The following DLGAP2 variants were observed in gnomAD, a reference collection of about 807,000 sequenced individuals.
DLGAP2 encodes the protein DLG associated protein 2.
A neutral mutation model predicts 100.3 loss-of-function variants in DLGAP2; 26 were observed. The observed-to-expected ratio is 0.26, with a 90% CI of 0.19 to 0.36. DLGAP2 has a LOEUF of 0.36. Ranked by LOEUF, DLGAP2 falls within the 10% of genes least tolerant of loss-of-function variation. The pLI, the probability that DLGAP2 is intolerant of heterozygous loss-of-function variation, is 1.00. For missense variants in DLGAP2, 1,858 were observed against 1,453.2 expected, an observed-to-expected ratio of 1.28 and a Z score of -4.53; for synonymous variants, 886 against 630.1, an observed-to-expected ratio of 1.41 and a Z score of -6.08.
chr8:1,497,105 G>T (rs1563183570), intron 3 of DLGAP2, among the ~76,000 whole-genome samples: 1 of 152,338 alleles, frequency 6.6e-6, no homozygotes, highest in Admixed American at 6.5e-5. Flanking sequence ...TAAGCAAGGG[G>T]TCTGAGTGAG....
At chr8:1,580,836 A>T (rs912265351) in intron 6 of DLGAP2, among the ~76,000 whole-genome samples, 5 of 149,662 alleles carry the variant, frequency 3.3e-5, no homozygotes, top group African/African-American at 4.9e-5. Flanking sequence ...TACAGACAAA[A>T]CCCCACACAT....
chr8:1,056,879 T>C (rs1802897424), intron 2 of DLGAP2, among the ~76,000 whole-genome samples: 1 of 152,206 alleles, frequency 6.6e-6, no homozygotes, highest in Non-Finnish European at 1.5e-5. Context: ...ACTTAGTAAA[T>C]AGCATTTCCC....
intron 10 of DLGAP2, among the ~76,000 whole-genome samples, chr8:1,671,795 A>T (rs956428728): frequency 6.6e-6 from 1 of 152,144 alleles, no homozygotes; most frequent in Non-Finnish European, 1.5e-5. Flanking sequence ...TTACAGCAGG[A>T]CTCACAGACA....
At chr8:1,538,635 TTGCTTTCTGTTGCGAG>T (rs1353917821) in intron 4 of DLGAP2, among the ~76,000 whole-genome samples, 1 of 152,172 alleles carries the variant, frequency 6.6e-6, no homozygotes, top group African/African-American at 2.4e-5. Context: ...TGCTCACCGC[TTGCTTTCTGTTGCGAG>T]TGTCTAGAAT....
At chr8:1,350,918 C>G (rs867668519) in intron 3 of DLGAP2, among the ~76,000 whole-genome samples, 10 of 76,238 alleles carry the variant, frequency 1.3e-4, no homozygotes, top group African/African-American at 1.7e-4. Context: ...CGGGTCCTGA[C>G]TGTGTGTGGA....
Position 761,812 on chromosome 8 carries a change from C to A in DLGAP2, c.18+23987C>A, listed in dbSNP as rs78741136. 1.8e-4 allele frequency among the ~76,000 whole-genome samples: 27 copies of A among 152,320 alleles called. No homozygotes were observed. The East Asian group carries it at 3.7e-3, about 21-fold the overall frequency. ...TCCTCACCCCTCTGTCCCGGGCTAG[C>A]TTCTTGCACCAGCTGTCCAGCCTGG... On this transcript the variant is annotated intron_variant, in intron 1 of 14. Transcript: ENST00000637795.
At chr8:1,117,019 G>A (rs1440280594) in intron 2 of DLGAP2, among the ~76,000 whole-genome samples, 1 of 152,202 alleles carries the variant, frequency 6.6e-6, no homozygotes, top group African/African-American at 2.4e-5. Flanking sequence ...CCGATGTGCA[G>A]TCCTCAGATG....
intron 3 of DLGAP2, among the ~76,000 whole-genome samples, chr8:1,271,421 C>G (rs1350125584): frequency 6.6e-6 from 1 of 152,150 alleles, no homozygotes; most frequent in Non-Finnish European, 1.5e-5. Context: ...GGAGACTTGA[C>G]TTTATGAACC....
intron 3 of DLGAP2, among the ~76,000 whole-genome samples, chr8:1,321,698 G>T (rs898967685): frequency 6.6e-6 from 1 of 152,132 alleles, no homozygotes; most frequent in African/African-American, 2.4e-5. Context: ...AGAACTAATG[G>T]ATTTTCTCTA....
intron 3 of DLGAP2, among the ~76,000 whole-genome samples, chr8:1,458,568 C>T (rs1270754371): frequency 6.6e-6 from 1 of 152,162 alleles, no homozygotes; most frequent in Non-Finnish European, 1.5e-5. Flanking sequence ...TCATGAAACC[C>T]TACAAATTTC....
At chr8:855,936 G>A (rs528348293) in intron 1 of DLGAP2, among the ~76,000 whole-genome samples, 2 of 152,102 alleles carry the variant, frequency 1.3e-5, no homozygotes, top group Non-Finnish European at 2.9e-5. Flanking sequence ...CCCCCCAACA[G>A]CTAAGTTCTT....
chr8:889,481 C>T (rs913320261), intron 1 of DLGAP2, among the ~76,000 whole-genome samples: 3 of 152,166 alleles, frequency 2.0e-5, no homozygotes, highest in Admixed American at 6.5e-5. Flanking sequence ...TGTCCCTGAG[C>T]TTCTGGCTGG....
At chr8:1,385,888 C>A (rs889673979) in intron 3 of DLGAP2, among the ~76,000 whole-genome samples, 1 of 152,240 alleles carries the variant, frequency 6.6e-6, no homozygotes, top group Admixed American at 6.5e-5. Flanking sequence ...GTGCCCGGCC[C>A]CTGAGAACTT....
At chr8:1,411,139 A>G (rs575437484) in intron 3 of DLGAP2, among the ~76,000 whole-genome samples, 1 of 152,272 alleles carries the variant, frequency 6.6e-6, no homozygotes, top group South Asian at 2.1e-4. Flanking sequence ...GAAACCCAAC[A>G]TCTCCTAATT....
chr8:1,580,079 G>A (rs570276226), intron 6 of DLGAP2, among the ~76,000 whole-genome samples: 6 of 152,216 alleles, frequency 3.9e-5, no homozygotes, highest in East Asian at 3.9e-4. Context: ...TTCTGTACAC[G>A]ATGACCAAGA....
At chr8:760,745 C>A (rs899868620) in intron 1 of DLGAP2, among the ~76,000 whole-genome samples, 1 of 152,172 alleles carries the variant, frequency 6.6e-6, no homozygotes, top group Non-Finnish European at 1.5e-5. Context: ...CAGGGCTTCG[C>A]GAGCGCCTCC....
intron 3 of DLGAP2, among the ~76,000 whole-genome samples, chr8:1,305,051 C>G (rs967151286): frequency 2.0e-5 from 3 of 152,118 alleles, no homozygotes; most frequent in Non-Finnish European, 4.4e-5. Context: ...TGGCAGGTGA[C>G]CTCCCACCTG....
intron 4 of DLGAP2, among the ~76,000 whole-genome samples, chr8:1,514,682 AAGG>A (rs1800297671): frequency 6.6e-6 from 1 of 152,072 alleles, no homozygotes. Flanking sequence ...CCCCATTCTA[AAGG>A]AGGGGACAGC....
chr8:817,400 G>A (rs1200180759), intron 1 of DLGAP2, among the ~76,000 whole-genome samples: 1 of 152,078 alleles, frequency 6.6e-6, no homozygotes, highest in Admixed American at 6.6e-5. Flanking sequence ...CCTTAAGTTG[G>A]ACTTCACCTT....
Sources: gnomAD v4.1 joint callset for allele counts (sites outside exome capture counted in the v4.1 genomes callset) on GRCh38, gnomAD v4.1.1 for gene constraint, MANE v1.5 for transcripts, NCBI Gene and HGNC (gene_info 2026-07-23, HGNC 2026-07-21) for gene names.